The following BNC2 variants were observed in gnomAD, a reference collection of about 807,000 sequenced individuals.
BNC2 encodes the protein basonuclin zinc finger protein 2.
Under a neutral mutation model 76.3 loss-of-function variants are expected in BNC2, and 20 were observed. The ratio of observed to expected loss-of-function variants is 0.26; its 90% CI spans 0.18 to 0.38. The LOEUF is 0.38. Among genes scored for constraint, BNC2 ranks in the 10% least tolerant of loss-of-function variants. BNC2 has a pLI of 1.00. For missense variants in BNC2, 1,382 were observed against 1,399.8 expected (o/e 0.99, Z 0.20); for synonymous variants, 582 against 514.8 (o/e 1.13, Z -1.77).
intron 3 of BNC2, among the ~76,000 whole-genome samples, chr9:16,685,897 G>A (rs1822963857): frequency 6.6e-6 from 1 of 152,122 alleles, no homozygotes; most frequent in Non-Finnish European, 1.5e-5. Flanking sequence ...GCACACAGTA[G>A]GCACCTAATA....
chr9:16,572,676 A>T (rs562054389), intron 4 of BNC2, among the ~76,000 whole-genome samples: 2 of 152,102 alleles, frequency 1.3e-5, no homozygotes, highest in Non-Finnish European at 2.9e-5. Flanking sequence ...AGAGGGGAGT[A>T]AAGGGGTGGG....
Position 16,414,651 on chromosome 9 carries a change from C to T in BNC2, c.*4338G>A, listed in dbSNP as rs1447295410. On this transcript the variant is annotated 3_prime_UTR_variant, in exon 7 of 7. Coordinates refer to ENST00000380672, the MANE Select transcript of BNC2 (RefSeq NM_017637.6). The stretch of plus-strand genomic sequence containing the variant: ...GGTGAATTTTATTTACTCTGTTAGT[C>T]AATCTAACCCAATGCTAACAGACCA... The T allele has an allele frequency of 6.6e-6, 1 of 152,176 alleles. No homozygotes were observed. The highest frequency in any genetic ancestry group is 1.5e-5 in the Non-Finnish European group (1 of 68,032). The allele number at this position is 152,176 out of a possible 1,614,324, so 9.4% of individuals were successfully genotyped here. A position where few individuals can be genotyped will look rare whatever the true frequency, so the allele number is the denominator to read the frequency against.
At chr9:16,687,704 C>G (rs993732482) in intron 3 of BNC2, among the ~76,000 whole-genome samples, 1 of 152,166 alleles carries the variant, frequency 6.6e-6, no homozygotes, top group African/African-American at 2.4e-5. Context: ...ATCTCACATA[C>G]ACAAAACAAA....
intron 3 of BNC2, among the ~76,000 whole-genome samples, chr9:16,724,182 T>C (rs187036383): frequency 1.3e-5 from 2 of 152,178 alleles, no homozygotes; most frequent in East Asian, 3.9e-4. Flanking sequence ...ATGTGGGCTA[T>C]AGCTATATAC....
At chr9:16,483,057 G>A (rs1204596933) in intron 5 of BNC2, among the ~76,000 whole-genome samples, 1 of 152,138 alleles carries the variant, frequency 6.6e-6, no homozygotes, top group African/African-American at 2.4e-5. Flanking sequence ...GTGCCATTTT[G>A]TATACACAAA....
chr9:16,646,481 A>C (rs1451026874), intron 3 of BNC2, among the ~76,000 whole-genome samples: 9 of 152,188 alleles, frequency 5.9e-5, no homozygotes, highest in African/African-American at 1.7e-4. Flanking sequence ...CAAACAAAAA[A>C]AGCCAGACAC....
At chr9:16,441,725 C>T (rs1563785518) in intron 5 of BNC2, among the ~76,000 whole-genome samples, 1 of 152,190 alleles carries the variant, frequency 6.6e-6, no homozygotes, top group African/African-American at 2.4e-5. Context: ...CAAGTGGACA[C>T]TGCTGCAACA....
At chr9:16,715,388 A>C (rs1214486368) in intron 3 of BNC2, among the ~76,000 whole-genome samples, 1 of 152,228 alleles carries the variant, frequency 6.6e-6, no homozygotes, top group African/African-American at 2.4e-5. Context: ...AAAATGAAGA[A>C]TTTGGTTGAT....
chr9:16,858,762 C>G lies in BNC2; in HGVS notation c.3+11884G>C, dbSNP rs527320871. 5.9e-5 allele frequency among the ~76,000 whole-genome samples: 9 copies of G among 151,790 alleles called. No individual in the cohort carries two copies. The East Asian group carries it at 9.7e-4, about 16-fold the overall frequency. ...TCGGGAGGCTGAGGCAGGAGAATGG[C>G]GTGAACCCGGGAGGCGGAGTTTGCA... On this transcript the variant is annotated intron_variant, in intron 1 of 6. Coordinates refer to ENST00000380672, the MANE Select transcript of BNC2 (RefSeq NM_017637.6).
At chr9:16,424,353 G>A (rs1820764804) in intron 6 of BNC2, among the ~76,000 whole-genome samples, 1 of 151,790 alleles carries the variant, frequency 6.6e-6, no homozygotes, top group African/African-American at 2.4e-5. Context: ...GCTATAGGTT[G>A]CATGAAGTGT....
At chr9:16,829,189 G>A (rs1563961657) in intron 1 of BNC2, among the ~76,000 whole-genome samples, 1 of 152,226 alleles carries the variant, frequency 6.6e-6, no homozygotes, top group Non-Finnish European at 1.5e-5. Context: ...GAGCATTAGG[G>A]AGCAAACTAC....
At chr9:16,516,530 A>AC (rs1389533397) in intron 5 of BNC2, among the ~76,000 whole-genome samples, 3 of 151,612 alleles carry the variant, frequency 2.0e-5, no homozygotes, top group African/African-American at 4.8e-5. Flanking sequence ...GTACCCAGAA[A>AC]CCCCCCCAAT....
intron 2 of BNC2, among the ~76,000 whole-genome samples, chr9:16,734,307 T>G (rs535784246): frequency 6.6e-6 from 1 of 152,232 alleles, no homozygotes; most frequent in East Asian, 1.9e-4. Context: ...CTATTGCTTA[T>G]TCTCTTAAAA....
chr9:16,700,950 A>G (rs1406107799), intron 3 of BNC2, among the ~76,000 whole-genome samples: 1 of 152,172 alleles, frequency 6.6e-6, no homozygotes, highest in Admixed American at 6.6e-5. Flanking sequence ...AATAAATAAT[A>G]AATAAAATTA....
At chr9:16,632,124 C>T (rs1191230691) in intron 3 of BNC2, among the ~76,000 whole-genome samples, 2 of 152,164 alleles carry the variant, frequency 1.3e-5, no homozygotes, top group Non-Finnish European at 2.9e-5. Context: ...AGTGAGAATG[C>T]TCAGTCTCCT....
intron 4 of BNC2, among the ~76,000 whole-genome samples, chr9:16,564,796 T>C: frequency 6.6e-6 from 1 of 150,384 alleles, no homozygotes; most frequent in Non-Finnish European, 1.5e-5. Flanking sequence ...ACAATGATTG[T>C]CCACATGTTA....
chr9:16,630,897 GC>G (rs1563871825), intron 3 of BNC2, among the ~76,000 whole-genome samples: 2 of 151,786 alleles, frequency 1.3e-5, no homozygotes, highest in African/African-American at 4.8e-5. Context: ...GCGCCACCAC[GC>G]CCAGCTAATT....
intron 1 of BNC2, among the ~76,000 whole-genome samples, chr9:16,823,326 A>G (rs1380506128): frequency 6.6e-6 from 1 of 151,910 alleles, no homozygotes; most frequent in African/African-American, 2.4e-5. Context: ...CTGCCAGGCC[A>G]AGCACAGTGG....
rs1309978519 is a variant in BNC2, at chr9:16,616,781, G to GAGGAGGGAAGGAAGGAAGGA, written c.331-33697_331-33696insTCCTTCCTTCCTTCCCTCCT. 2.0e-3 allele frequency among the ~76,000 whole-genome samples: 108 copies of GAGGAGGGAAGGAAGGAAGGA among 52,788 alleles called. 1 individual carries two copies. The East Asian group carries it at 0.034, about 16-fold the overall frequency. 34.6% of individuals were successfully genotyped at this position (52,788 alleles called of 152,430 possible). On this transcript the variant is annotated intron_variant, in intron 3 of 6. Coordinates refer to ENST00000380672, the MANE Select transcript of BNC2 (RefSeq NM_017637.6). ...GGAAGACAGGGATGGGAGGGGAGGG[G>GAGGAGGGAAGGAAGGAAGGA]AGGAAGGAGGGAAGGAAGGAAGGAA...
Sources: allele counts gnomAD v4.1 joint callset (sites outside exome capture counted in the v4.1 genomes callset), GRCh38; gene constraint gnomAD v4.1.1; transcripts MANE v1.5; gene names NCBI Gene and HGNC (gene_info 2026-07-23, HGNC 2026-07-21).